Variants in DENND1A observed in about 807,000 individuals in gnomAD.
DENND1A encodes DENN domain containing 1A, also known as DENN domain-containing protein 1A.
A neutral mutation model predicts 113.7 loss-of-function variants in DENND1A; 51 were observed. The observed-to-expected ratio is 0.45, with a 90% CI of 0.36 to 0.57. The LOEUF (loss-of-function observed/expected upper bound fraction) is 0.57. DENND1A is among the 20% of genes least tolerant of loss of function. The pLI, the probability that DENND1A is intolerant of heterozygous loss-of-function variation, is 0.00. For missense variants in DENND1A, 1,258 were observed against 1,395.9 expected (o/e 0.90, Z 1.57); for synonymous variants, 565 against 570.8 (o/e 0.99, Z 0.14).
chr9:123,702,102 C>T (rs1470925373), intron 5 of DENND1A, among the ~76,000 whole-genome samples: 1 of 151,156 alleles, frequency 6.6e-6, no homozygotes, highest in African/African-American at 2.4e-5. Context: ...TTAACAGAGC[C>T]TAAAATAATT....
At chr9:123,913,122 A>AC (rs1854359135) in intron 1 of DENND1A, among the ~76,000 whole-genome samples, 2 of 151,110 alleles carry the variant, frequency 1.3e-5, no homozygotes, top group African/African-American at 2.4e-5. Flanking sequence ...TTAAAAAAAA[A>AC]AAAAAAAAAA....
chr9:123,785,333 C>T (rs1312796632), intron 3 of DENND1A, among the ~76,000 whole-genome samples: 1 of 152,054 alleles, frequency 6.6e-6, no homozygotes, highest in Non-Finnish European at 1.5e-5. Context: ...GCCTGGGTGA[C>T]AGACTGAGAT....
At chr9:123,738,441 TTCTGTGTG>T (rs1365615287) in intron 5 of DENND1A, among the ~76,000 whole-genome samples, 2 of 123,376 alleles carry the variant, frequency 1.6e-5, no homozygotes, top group African/African-American at 3.6e-5. Context: ...TGTCAACAGC[TTCTGTGTG>T]TGTGTGTGTG....
intron 10 of DENND1A, among the ~76,000 whole-genome samples, chr9:123,620,235 A>G (rs1270354994): frequency 4.9e-5 from 7 of 143,028 alleles, no homozygotes; most frequent in Middle Eastern, 3.5e-3. Context: ...AAAAAAAAAA[A>G]AAAGAAAAGA....
At chr9:123,645,233 A>G in intron 9 of DENND1A, among the ~76,000 whole-genome samples, 1 of 152,180 alleles carries the variant, frequency 6.6e-6, no homozygotes, top group East Asian at 1.9e-4. Flanking sequence ...TTTATAGAAG[A>G]CAGCACTCGA....
intron 5 of DENND1A, among the ~76,000 whole-genome samples, chr9:123,740,937 A>AGT (rs1189232512): frequency 1.5e-4 from 22 of 146,586 alleles, no homozygotes; most frequent in Admixed American, 1.4e-3. Context: ...AGAGAGAGAG[A>AGT]GAGAGTATGG....
At chr9:123,715,732 A>C (rs7044843) in intron 5 of DENND1A, among the ~76,000 whole-genome samples, 1 of 151,894 alleles carries the variant, frequency 6.6e-6, no homozygotes, top group African/African-American at 2.4e-5. Context: ...ATGGCCCAGC[A>C]TGGAGTGTGG....
intron 1 of DENND1A, among the ~76,000 whole-genome samples, chr9:123,896,249 C>T (rs1163713634): frequency 7.9e-5 from 12 of 151,948 alleles, no homozygotes; most frequent in Non-Finnish European, 2.9e-5. Context: ...GAGTTCAAGG[C>T]TGCAGTCAGC....
intron 13 of DENND1A, among the ~76,000 whole-genome samples, chr9:123,471,994 T>G (rs1201299057): frequency 1.3e-5 from 2 of 152,176 alleles, no homozygotes; most frequent in African/African-American, 4.8e-5. Flanking sequence ...GCAAGTGAAT[T>G]TCCCTGAGCT....
At chr9:123,813,085 G>GACCACAGGCGCACACC (rs1836892467) in intron 2 of DENND1A, among the ~76,000 whole-genome samples, 2 of 152,064 alleles carry the variant, frequency 1.3e-5, no homozygotes, top group Non-Finnish European at 2.9e-5. Context: ...CAGTAGCTGG[G>GACCACAGGCGCACACC]ACCACAGGCG....
At chr9:123,408,442 T>C (rs1438526998) in intron 20 of DENND1A, among the ~76,000 whole-genome samples, 6 of 152,210 alleles carry the variant, frequency 3.9e-5, no homozygotes, top group Non-Finnish European at 8.8e-5. Context: ...CTAGGTGCTA[T>C]ACATACACAA....
At chr9:123,609,735 G>C (rs1039762778) in intron 10 of DENND1A, among the ~76,000 whole-genome samples, 3 of 152,162 alleles carry the variant, frequency 2.0e-5, no homozygotes, top group Non-Finnish European at 4.4e-5. Flanking sequence ...AGCCCCTAAA[G>C]AGCGGCTCTG....
At chr9:123,454,874 G>C in intron 15 of DENND1A, 95 bp from the exon 16 acceptor site, 1 of 1,079,978 alleles carries the variant, frequency 9.3e-7, no homozygotes, top group Non-Finnish European at 1.4e-6. Context: ...TTGAGATGGA[G>C]TCTCACGCTG....
At chr9:123,540,910 G>A (rs1050391476) in intron 13 of DENND1A, among the ~76,000 whole-genome samples, 10 of 152,162 alleles carry the variant, frequency 6.6e-5, no homozygotes, top group South Asian at 4.1e-4. Flanking sequence ...TGGAAAAACC[G>A]TGAGTTCTAG....
In DENND1A at chr9:123,383,915, T is replaced by C; in HGVS notation, c.1761-2A>G. On this transcript the variant is annotated splice_acceptor_variant, in intron 22 of 23. Transcript: ENST00000394215. LOFTEE classifies it high-confidence loss of function. The stretch of plus-strand genomic sequence containing the variant: ...CTGAGTGTCCGATACGGCTGCGGCC[T>C]GTCGGGGACAGAGCAGGCTGCACTC... 1.2e-6 allele frequency: 2 copies of C among 1,605,836 alleles called. No individual in the cohort carries two copies. The highest frequency in any genetic ancestry group is 8.5e-7 in the Non-Finnish European group (1 of 1,178,272).
chr9:123,756,219 A>C (rs1428763879), intron 5 of DENND1A, among the ~76,000 whole-genome samples: 2 of 152,102 alleles, frequency 1.3e-5, no homozygotes, highest in African/African-American at 2.4e-5. Context: ...GCCATAGTTG[A>C]GTTTTTGAGG....
chr9:123,403,665 C>A, intron 20 of DENND1A, 175 bp from the exon 21 acceptor site: 1 of 612,188 alleles, frequency 1.6e-6, no homozygotes, highest in South Asian at 1.9e-5. Context: ...AGGCAGCAGA[C>A]AGACACATTA....
intron 13 of DENND1A, among the ~76,000 whole-genome samples, chr9:123,484,257 G>A (rs1262739354): frequency 6.6e-6 from 1 of 152,152 alleles, no homozygotes; most frequent in Non-Finnish European, 1.5e-5. Flanking sequence ...AAAGATCTGG[G>A]TTTAATCGCA....
intron 2 of DENND1A, among the ~76,000 whole-genome samples, chr9:123,809,799 T>G (rs1404764698): frequency 6.6e-6 from 1 of 152,032 alleles, no homozygotes; most frequent in Non-Finnish European, 1.5e-5. Context: ...GCCTCCAGAG[T>G]AGCTGGGATT....
Sources: gnomAD v4.1 joint callset for allele counts (sites outside exome capture counted in the v4.1 genomes callset) on GRCh38, gnomAD v4.1.1 for gene constraint, MANE v1.5 for transcripts, NCBI Gene and HGNC (gene_info 2026-07-23, HGNC 2026-07-21) for gene names.